The following PPP3CC variants were observed in gnomAD, a reference collection of about 807,000 sequenced individuals.
PPP3CC encodes protein phosphatase 3 catalytic subunit gamma.
PPP3CC carries 35 observed loss-of-function variants against 60.3 expected under a neutral mutation model. That is an observed-to-expected ratio of 0.58 (90% confidence interval 0.44 to 0.77). PPP3CC has a LOEUF of 0.77. PPP3CC is among the 30% of genes least tolerant of loss of function. PPP3CC has a pLI of 0.00. For missense variants in PPP3CC, 570 were observed against 628.9 expected (o/e 0.91, Z 1.00); for synonymous variants, 206 against 224.3 (o/e 0.92, Z 0.73).
At chr8:22,484,972 C>T (rs573670099) in intron 3 of PPP3CC, among the ~76,000 whole-genome samples, 4 of 152,208 alleles carry the variant, frequency 2.6e-5, no homozygotes, top group Admixed American at 6.5e-5. Flanking sequence ...TCTTTGAGTC[C>T]TGAATCCTTT....
intron 1 of PPP3CC, among the ~76,000 whole-genome samples, chr8:22,441,814 C>T (rs1836682023): frequency 6.6e-6 from 1 of 152,160 alleles, no homozygotes; most frequent in Admixed American, 6.6e-5. Context: ...TCGACTCTTC[C>T]AAGTAAGATA....
intron 5 of PPP3CC, among the ~76,000 whole-genome samples, chr8:22,512,431 A>G (rs930295308): frequency 2.0e-5 from 3 of 152,194 alleles, no homozygotes; most frequent in African/African-American, 7.2e-5. Context: ...TTATGCTTTC[A>G]ACTAAAGCAG....
At chr8:22,540,481 C>A in intron 13 of PPP3CC, 134 bp from the exon 14 acceptor site, 1 of 837,814 alleles carries the variant, frequency 1.2e-6, no homozygotes, top group African/African-American at 1.7e-5. Context: ...CCATGACTTT[C>A]ACTAGACGTG....
At chr8:22,531,553 G>A (rs1013047089) in intron 10 of PPP3CC, among the ~76,000 whole-genome samples, 2 of 152,198 alleles carry the variant, frequency 1.3e-5, no homozygotes, top group African/African-American at 4.8e-5. Context: ...ACTTTTGACT[G>A]TAGTCACCTG....
chr8:22,449,713 G>T (rs565606349), intron 1 of PPP3CC, among the ~76,000 whole-genome samples: 1 of 152,056 alleles, frequency 6.6e-6, no homozygotes. Context: ...TAACTAAGAA[G>T]TAGAGAGAAG....
chr8:22,510,486 TC>T (rs939505536), intron 4 of PPP3CC, among the ~76,000 whole-genome samples: 1 of 152,114 alleles, frequency 6.6e-6, no homozygotes, highest in African/African-American at 2.4e-5. Context: ...ATATTCAGAC[TC>T]ACAAGACTAC....
At chr8:22,522,950 T>C in intron 8 of PPP3CC, 1 of 496,260 alleles carries the variant, frequency 2.0e-6, no homozygotes. Flanking sequence ...ATTACTGGCT[T>C]CTTTGTGAGT....
rs71206523 is a variant in PPP3CC, at chr8:22,496,485, C to CTTT, written c.373-1488_373-1486dup. 2.7e-3 allele frequency among the ~76,000 whole-genome samples: 116 copies of CTTT among 43,582 alleles called. 32 individuals are homozygous for CTTT. Among genetic ancestry groups the CTTT allele is most frequent in the African/African-American group, 7.2e-3 (78 of 10,890 alleles). 28.6% of individuals were successfully genotyped at this position (43,582 alleles called of 152,430 possible). On this transcript the variant is annotated intron_variant, in intron 3 of 13. Transcript: ENST00000240139. ...AAGTTAAATTAGGGAGAACTGTAAT[C>CTTT]TTTTTTTTTTTTTTTTTTTTTTTTT...
At chr8:22,444,762 A>G (rs991474902) in intron 1 of PPP3CC, among the ~76,000 whole-genome samples, 1 of 152,216 alleles carries the variant, frequency 6.6e-6, no homozygotes, top group African/African-American at 2.4e-5. Flanking sequence ...GAGCCTTTAG[A>G]GCAGTTTATA....
At chr8:22,445,411 A>C (rs139948952) in intron 1 of PPP3CC, among the ~76,000 whole-genome samples, 1 of 152,274 alleles carries the variant, frequency 6.6e-6, no homozygotes, top group African/African-American at 2.4e-5. Context: ...CCTGCTACTT[A>C]TACAATTTGA....
At chr8:22,482,066 G>T (rs542009748) in intron 3 of PPP3CC, among the ~76,000 whole-genome samples, 1 of 152,180 alleles carries the variant, frequency 6.6e-6, no homozygotes, top group Admixed American at 6.5e-5. Flanking sequence ...GGGATTGCTG[G>T]GTCAGATGGT....
At chr8:22,471,032 G>C (rs925061284) in intron 1 of PPP3CC, among the ~76,000 whole-genome samples, 1 of 152,172 alleles carries the variant, frequency 6.6e-6, no homozygotes, top group Non-Finnish European at 1.5e-5. Context: ...TAACGCAGTA[G>C]TGCTTAGCAT....
At chr8:22,500,337 C>T (rs1050188261) in intron 4 of PPP3CC, among the ~76,000 whole-genome samples, 4 of 152,126 alleles carry the variant, frequency 2.6e-5, no homozygotes, top group East Asian at 1.9e-4. Context: ...CCCCTTTTAA[C>T]GAATCCTGAA....
chr8:22,476,031 C>T (rs1445200660), intron 3 of PPP3CC, among the ~76,000 whole-genome samples: 1 of 152,156 alleles, frequency 6.6e-6, no homozygotes, highest in East Asian at 1.9e-4. Flanking sequence ...TAAATAAACA[C>T]TAAGCTTTTT....
At chr8:22,517,393 G>T (rs78030418) in intron 6 of PPP3CC, among the ~76,000 whole-genome samples, 115 of 152,088 alleles carry the variant, frequency 7.6e-4, no homozygotes, top group Non-Finnish European at 1.4e-3. Flanking sequence ...GAGTTTGGAA[G>T]AATTCTCTCT....
intron 3 of PPP3CC, among the ~76,000 whole-genome samples, chr8:22,482,698 G>C (rs1203868850): frequency 6.6e-6 from 1 of 152,132 alleles, no homozygotes; most frequent in African/African-American, 2.4e-5. Context: ...TAGTATGATT[G>C]TTTCTTCTTA....
chr8:22,499,457 GA>G (rs36071830), intron 4 of PPP3CC, among the ~76,000 whole-genome samples: 37 of 147,488 alleles, frequency 2.5e-4, no homozygotes, highest in Admixed American at 4.7e-4. Flanking sequence ...AAAAAAAAAA[GA>G]AAAAAAAAAG....
intron 6 of PPP3CC, among the ~76,000 whole-genome samples, chr8:22,515,356 C>G (rs1381911260): frequency 6.6e-6 from 1 of 152,178 alleles, no homozygotes; most frequent in Non-Finnish European, 1.5e-5. Context: ...ACCACATTTT[C>G]TTTGTCCTTT....
At chr8:22,481,479 A>G (rs1838068137) in intron 3 of PPP3CC, among the ~76,000 whole-genome samples, 1 of 151,534 alleles carries the variant, frequency 6.6e-6, no homozygotes, top group Admixed American at 6.6e-5. Flanking sequence ...TAGTTTTCCT[A>G]AGTTATAAGA....
Sources: allele counts gnomAD v4.1 joint callset (sites outside exome capture counted in the v4.1 genomes callset), GRCh38; gene constraint gnomAD v4.1.1; transcripts MANE v1.5; gene names NCBI Gene and HGNC (gene_info 2026-07-23, HGNC 2026-07-21).